The following CDH17 variants were observed in gnomAD, a reference collection of about 807,000 sequenced individuals.
CDH17 encodes the protein cadherin-17.
CDH17 carries 67 observed loss-of-function variants against 86.3 expected under a neutral mutation model. The ratio of observed to expected loss-of-function variants is 0.78; its 90% CI spans 0.64 to 0.95. CDH17 has a LOEUF of 0.95. Among genes scored for constraint, CDH17 ranks in the 40% least tolerant of loss-of-function variants. The pLI, the probability that CDH17 is intolerant of heterozygous loss-of-function variation, is 0.00. For missense variants in CDH17, 993 were observed against 1,017.6 expected (o/e 0.98, Z 0.33); for synonymous variants, 367 against 366.4 (o/e 1.00, Z -0.02).
At position 94,144,863 on chromosome 8, in the gene CDH17, C is replaced by T. The variant is rs1313707559; in HGVS notation, c.2167+1065G>A. On this transcript the variant is annotated intron_variant, in intron 15 of 17. Coordinates refer to ENST00000027335, the MANE Select transcript of CDH17 (RefSeq NM_004063.4). ...TTTAAAAAATGAATATCTAACAAGA[C>T]ACTTCACCAGTGAAGATGGATGGCA... is the stretch of plus-strand genomic sequence containing the variant. 2.6e-5 allele frequency among the ~76,000 whole-genome samples: 4 copies of T among 152,126 alleles called. 1 individual carries two copies. The highest frequency in any genetic ancestry group is 9.7e-5 in the African/African-American group (4 of 41,418).
At chr8:94,154,729 G>A (rs959722285) in intron 12 of CDH17, among the ~76,000 whole-genome samples, 3 of 152,126 alleles carry the variant, frequency 2.0e-5, no homozygotes, top group African/African-American at 7.2e-5. Context: ...CAGTCTCATA[G>A]CACCTAATAG....
intron 12 of CDH17, among the ~76,000 whole-genome samples, chr8:94,154,905 C>T (rs1338589189): frequency 1.3e-5 from 2 of 152,102 alleles, no homozygotes; most frequent in Non-Finnish European, 2.9e-5. Flanking sequence ...TGAGGGCCTC[C>T]ATGGAGAGGA....
chr8:94,178,313 T>C (rs1030459710), intron 3 of CDH17, among the ~76,000 whole-genome samples: 14 of 152,144 alleles, frequency 9.2e-5, no homozygotes, highest in African/African-American at 2.7e-4. Context: ...CCTTAAGTTT[T>C]AGTATACTTT....
intron 1 of CDH17, among the ~76,000 whole-genome samples, chr8:94,199,460 A>ATT (rs1813862492): frequency 8.1e-6 from 1 of 123,146 alleles, no homozygotes; most frequent in African/African-American, 3.0e-5. Flanking sequence ...TTCTTGAACT[A>ATT]ATTTTTTTTT....
At chr8:94,216,549 G>T (rs751859548) in intron 1 of CDH17, among the ~76,000 whole-genome samples, 2 of 133,456 alleles carry the variant, frequency 1.5e-5, no homozygotes, top group Admixed American at 1.7e-4. Context: ...AAAAGGGAGG[G>T]CTCCAGAGGG....
At chr8:94,165,236 G>A (rs1813129666) in intron 10 of CDH17, among the ~76,000 whole-genome samples, 1 of 152,094 alleles carries the variant, frequency 6.6e-6, no homozygotes, top group Non-Finnish European at 1.5e-5. Context: ...AACTCCCCTG[G>A]ACTGTACACA....
intron 14 of CDH17, 102 bp from the exon 15 acceptor site, chr8:94,146,269 G>T: frequency 9.2e-7 from 1 of 1,084,740 alleles, no homozygotes; most frequent in Non-Finnish European, 1.2e-6. Context: ...GGTACACTGA[G>T]ATGCTAGAAA....
At chr8:94,216,398 T>C (rs1814194082) in intron 1 of CDH17, among the ~76,000 whole-genome samples, 2 of 152,112 alleles carry the variant, frequency 1.3e-5, no homozygotes, top group South Asian at 2.1e-4. Context: ...CATCTGGCTC[T>C]ATCAATGAGC....
At chr8:94,208,058 G>C (rs1814063480) in intron 1 of CDH17, among the ~76,000 whole-genome samples, 1 of 152,220 alleles carries the variant, frequency 6.6e-6, no homozygotes, top group Admixed American at 6.5e-5. Flanking sequence ...TCTCTGAGAA[G>C]TAGATAGAAT....
intron 1 of CDH17, among the ~76,000 whole-genome samples, chr8:94,216,774 T>G (rs1814200918): frequency 1.3e-5 from 2 of 152,222 alleles, no homozygotes; most frequent in Non-Finnish European, 2.9e-5. Flanking sequence ...ACTCCACTCC[T>G]CTTCTTTATC....
chr8:94,170,446 T>G lies in CDH17; in HGVS notation c.1017A>C (p.Thr339=), dbSNP rs1221818045. Residue 339 remains threonine (T), a synonymous_variant, in exon 9 of 18, where the codon ACA becomes ACC. Transcript: ENST00000027335. ...KVKDINDNPP[T]CPSPVTVFEV... ...CAAATACGGTTACTGGTGACGGACATGTAGGTGGATTATCATTAATATCTT... is the reference window on the plus strand; with the variant it reads ...CAAATACGGTTACTGGTGACGGACAGGTAGGTGGATTATCATTAATATCTT... 5 of 1,611,502 alleles carry G rather than the reference T, an allele frequency of 3.1e-6. No homozygotes were observed. The African/African-American group carries it at 6.7e-5, about 22-fold the overall frequency.
chr8:94,187,025 G>A (rs944934370), intron 3 of CDH17, among the ~76,000 whole-genome samples: 3 of 152,174 alleles, frequency 2.0e-5, no homozygotes, highest in Non-Finnish European at 4.4e-5. Context: ...GTGAGCACCT[G>A]CTCGTTTTTG....
rs759538640 is a variant in CDH17, at chr8:94,173,850, G to A, written c.730C>T (p.Pro244Ser). Residue 244 changes from proline to serine, a missense_variant, in exon 7 of 18, where the codon CCT becomes TCT. Pro to Ser is a moderately conservative substitution (Grantham distance 74). Coordinates refer to ENST00000027335, the MANE Select transcript of CDH17 (RefSeq NM_004063.4). ...GTTGAGTTTTCCACCATCTCCACAGGTTTTGGTGCTTTCCAAATATTCTCT... is the reference window on the plus strand; with the variant it reads ...GTTGAGTTTTCCACCATCTCCACAGATTTTGGTGCTTTCCAAATATTCTCT... ...VTENIWKAPK[P>S]VEMVENSTDP... The A allele has an allele frequency of 1.5e-5, 25 of 1,613,768 alleles. No individual in the cohort carries two copies. Among genetic ancestry groups the A allele is most frequent in the Non-Finnish European group, 2.1e-5 (25 of 1,179,866 alleles).
intron 3 of CDH17, among the ~76,000 whole-genome samples, chr8:94,183,312 G>A (rs577771254): frequency 1.3e-5 from 2 of 152,208 alleles, no homozygotes; most frequent in Admixed American, 1.3e-4. Flanking sequence ...AAAGTAGGAA[G>A]ACTTAACGTT....
intron 3 of CDH17, among the ~76,000 whole-genome samples, chr8:94,178,713 CTG>C: frequency 6.6e-6 from 1 of 151,822 alleles, no homozygotes; most frequent in Admixed American, 6.5e-5. Flanking sequence ...TAAATCTAGA[CTG>C]TTATGGTACC....
intron 1 of CDH17, among the ~76,000 whole-genome samples, chr8:94,215,796 A>C (rs1456638383): frequency 6.6e-6 from 1 of 151,408 alleles, no homozygotes; most frequent in Non-Finnish European, 1.5e-5. Context: ...CCTTCAGATC[A>C]TTTTGTTCTA....
At chr8:94,163,294 T>A (rs893088683) in intron 10 of CDH17, among the ~76,000 whole-genome samples, 1 of 152,242 alleles carries the variant, frequency 6.6e-6, no homozygotes, top group Non-Finnish European at 1.5e-5. Context: ...CCCTTTGCCC[T>A]CTGCAGCCAC....
At chr8:94,197,676 CA>C (rs1306484721) in intron 1 of CDH17, among the ~76,000 whole-genome samples, 12 of 151,650 alleles carry the variant, frequency 7.9e-5, no homozygotes, top group Admixed American at 2.6e-4. Flanking sequence ...ACTAAAAATA[CA>C]AAAATTAGCC....
intron 1 of CDH17, among the ~76,000 whole-genome samples, chr8:94,215,483 T>C (rs978998934): frequency 1.3e-5 from 2 of 152,066 alleles, no homozygotes; most frequent in African/African-American, 4.8e-5. Flanking sequence ...TGCCTGCAGT[T>C]GGGGGGCAGA....
Sources: allele counts gnomAD v4.1 joint callset (sites outside exome capture counted in the v4.1 genomes callset), GRCh38; gene constraint gnomAD v4.1.1; transcripts MANE v1.5; gene names NCBI Gene and HGNC (gene_info 2026-07-23, HGNC 2026-07-21).